Variants in ZAP70 observed in about 807,000 individuals in gnomAD.
The protein encoded by ZAP70 is zeta chain of T cell receptor associated protein kinase 70, also known as tyrosine-protein kinase ZAP-70.
ZAP70 carries 27 observed loss-of-function variants against 65.8 expected under a neutral mutation model. The ratio of observed to expected loss-of-function variants is 0.41; its 90% confidence interval spans 0.30 to 0.57. The LOEUF (loss-of-function observed/expected upper bound fraction) is 0.57. Ranked by LOEUF, ZAP70 falls within the 20% of genes least tolerant of loss-of-function variation. The pLI, the probability that ZAP70 is intolerant of heterozygous loss-of-function variation, is 0.28. For synonymous variants in ZAP70, 363 were observed against 360.8 expected (o/e 1.01, Z -0.07); for missense variants, 696 against 870.5 (o/e 0.80, Z 2.52).
the ZAP70 span, among the ~76,000 whole-genome samples, chr2:97,749,004 C>CTTT: frequency 7.0e-4 from 80 of 114,982 alleles, no homozygotes; most frequent in Middle Eastern, 0.013. Context: ...TGACACTTCC[C>CTTT]TTTTTTTTTT....
the ZAP70 span, among the ~76,000 whole-genome samples, chr2:97,747,776 A>T: frequency 1.4e-5 from 2 of 146,418 alleles, no homozygotes; most frequent in Non-Finnish European, 3.0e-5. Flanking sequence ...TCCTGCTGTC[A>T]GAAGAGTGTC....
Position 97,732,992 on chromosome 2 carries a change from G to A in ZAP70, c.673G>A (p.Glu225Lys), listed in dbSNP as rs144692859. ...QDKAGKYCIP[E>K]GTKFDTLWQL... ...CAAGGCGGGCAAGTACTGCATTCCCGAGGGCACCAAGTTTGACACGCTCTG... is the reference window on the plus strand; with the variant it reads ...CAAGGCGGGCAAGTACTGCATTCCCAAGGGCACCAAGTTTGACACGCTCTG... The change falls in exon 5 of 14, where the codon GAG becomes AAG. Residue 225 changes from glutamate to lysine, a missense_variant. Transcript: ENST00000264972. The A allele has an allele frequency of 5.6e-6, 9 of 1,614,016 alleles. No homozygotes were observed. Among genetic ancestry groups the A allele is most frequent in the African/African-American group, 1.3e-5 (1 of 74,942 alleles).
chr2:97,745,205 A>G, the ZAP70 span, among the ~76,000 whole-genome samples: 1 of 152,166 alleles, frequency 6.6e-6, no homozygotes, highest in South Asian at 2.1e-4. Context: ...TGACCAGCTA[A>G]TTTTTGTCTT....
At chr2:97,727,894 T>C (rs1677454944) in intron 4 of ZAP70, among the ~76,000 whole-genome samples, 1 of 152,060 alleles carries the variant, frequency 6.6e-6, no homozygotes, top group Admixed American at 6.6e-5. Context: ...GCCACTCCAA[T>C]GGCTTAAAAA....
At chr2:97,750,889 C>T in the ZAP70 span, among the ~76,000 whole-genome samples, 3 of 152,202 alleles carry the variant, frequency 2.0e-5, no homozygotes, top group Non-Finnish European at 2.9e-5. Flanking sequence ...AGAGTGGTCT[C>T]GTTTATGGCT....
At chr2:97,753,374 G>A in the ZAP70 span, among the ~76,000 whole-genome samples, 3 of 152,276 alleles carry the variant, frequency 2.0e-5, no homozygotes, top group South Asian at 2.1e-4. Context: ...ACATCAAGCT[G>A]TAACTAATCA....
At position 97,715,175 on chromosome 2, in the gene ZAP70, C is replaced by G. The variant is rs1419486247; in HGVS notation, c.-22+1181C>G. ...CCCAGACCACCCCGTGCTGACCACT[C>G]CCTGCCCCACCCCAAGGTACAGGGT... On this transcript the variant is annotated intron_variant, in intron 2 of 13. Transcript: ENST00000264972. The surrounding 1 kb of genome is among the most constrained non-coding windows in gnomAD (Gnocchi z 4.1). Among the ~76,000 whole-genome samples the G allele has an allele frequency of 6.6e-6, 1 of 152,210 alleles. No homozygotes were observed. The highest frequency in any genetic ancestry group is 1.5e-5 in the Non-Finnish European group (1 of 68,036).
intron 2 of ZAP70, among the ~76,000 whole-genome samples, chr2:97,721,748 A>G (rs1677167815): frequency 1.4e-5 from 2 of 146,890 alleles, no homozygotes; most frequent in African/African-American, 2.5e-5. Flanking sequence ...TTCATGTTCT[A>G]TTTGGTGGTG....
At chr2:97,734,418 G>A in intron 8 of ZAP70, 102 bp from the exon 9 acceptor site, 1 of 1,475,006 alleles carries the variant, frequency 6.8e-7, no homozygotes. Flanking sequence ...CATGCTCCAG[G>A]GACGGCACCC....
intron 4 of ZAP70, 91 bp from the exon 5 acceptor site, chr2:97,732,792 G>C (rs1030642917): frequency 1.9e-6 from 3 of 1,566,288 alleles, no homozygotes; most frequent in Non-Finnish European, 8.7e-7. Context: ...CTGAGGTGTG[G>C]AGCCCATAGG....
rs1677827025 is a variant in ZAP70 at position 97,735,372 on chromosome 2, T to C, written c.1205T>C (p.Ile402Thr). 4 of 1,613,994 alleles carry C rather than the reference T, an allele frequency of 2.5e-6. No individual in the cohort carries two copies. The highest frequency in any genetic ancestry group is 2.5e-6 in the Non-Finnish European group (3 of 1,179,984). Residue 402 changes from isoleucine to threonine, a missense_variant, in exon 10 of 14, where the codon ATT becomes ACT. Physicochemically the swap from Ile to Thr is moderately conservative, Grantham distance 89. Around this residue, in one of 3 missense-constraint regions of ZAP70, gnomAD observed 551 missense variants for 630.0 expected, o/e 0.87. Transcript: ENST00000264972. Reference protein sequence around the residue: ...QLDNPYIVRLIGVCQAEALML... With the variant: ...QLDNPYIVRLTGVCQAEALML... ...GACAACCCCTACATCGTGCGGCTCA[T>C]TGGCGTCTGCCAGGCCGAGGCCCTC...
At chr2:97,730,390 T>C (rs1187465629) in intron 4 of ZAP70, among the ~76,000 whole-genome samples, 1 of 152,218 alleles carries the variant, frequency 6.6e-6, no homozygotes, top group African/African-American at 2.4e-5. Flanking sequence ...TGGAGCTGGA[T>C]GGTCTCTGGG....
chr2:97,718,216 C>G (rs11687510), intron 2 of ZAP70, among the ~76,000 whole-genome samples: 2 of 151,890 alleles, frequency 1.3e-5, no homozygotes, highest in Non-Finnish European at 2.9e-5. Context: ...GGGAGGGCCA[C>G]GAGTCTGCAG....
At chr2:97,735,626 G>A (rs1236643754) in intron 10 of ZAP70, among the ~76,000 whole-genome samples, 170 bp downstream of exon 10, 1 of 152,254 alleles carries the variant, frequency 6.6e-6, no homozygotes, top group Non-Finnish European at 1.5e-5. Flanking sequence ...CTGCAAAGCA[G>A]AGCTAACCCT....
At chr2:97,725,346 G>C in intron 4 of ZAP70, 94 bp downstream of exon 4, 1 of 1,492,602 alleles carries the variant, frequency 6.7e-7, no homozygotes, top group Admixed American at 1.8e-5. Context: ...CAGTTGGGCC[G>C]TAAGGGTGTC....
intron 2 of ZAP70, among the ~76,000 whole-genome samples, chr2:97,719,610 C>T (rs1329217981): frequency 2.0e-5 from 3 of 151,902 alleles, no homozygotes; most frequent in African/African-American, 7.3e-5. Context: ...GACATAGGGA[C>T]AGGAGTGTAG....
chr2:97,716,968 G>C (rs979240670), intron 2 of ZAP70, among the ~76,000 whole-genome samples: 11 of 152,184 alleles, frequency 7.2e-5, no homozygotes, highest in African/African-American at 2.7e-4. Flanking sequence ...CCATGTGGTG[G>C]GTCCACGATT....
Position 97,724,357 on chromosome 2 carries a change from C to A in ZAP70, c.321C>A (p.Gly107=). 1 of 1,549,826 alleles carries A rather than the reference C, an allele frequency of 6.5e-7. No individual in the cohort carries two copies. The highest frequency in any genetic ancestry group is 8.7e-7 in the Non-Finnish European group (1 of 1,147,838). The change falls in exon 3 of 14, where the codon GGC becomes GGA. Residue 107 remains glycine, a synonymous_variant. Transcript: ENST00000264972. ...GCAAGCCGTGCAACCGGCCGTCGGG[C>A]CTCGAGCCGCAGCCGGGGGTCTTCG... The part of the protein sequence containing the change: ...NLRKPCNRPS[G]LEPQPGVFDC...
At position 97,734,720 on chromosome 2, in the gene ZAP70, C is replaced by G. The variant is rs55933862; in HGVS notation, c.1082+8C>G. On this transcript the variant is annotated splice_region_variant and intron_variant, in intron 9 of 13. Coordinates refer to ENST00000264972, the MANE Select transcript of ZAP70 (RefSeq NM_001079.4). ...CGTGTACCGCATGCGCAAGTATGGC[C>G]GCCCCTGCCGTGGTGGGAGCACCGC... 1 of 1,613,078 alleles carries G rather than the reference C, an allele frequency of 6.2e-7. No individual in the cohort carries two copies. Among genetic ancestry groups the G allele is most frequent in the Non-Finnish European group, 8.5e-7 (1 of 1,179,900 alleles).
Sources: allele counts gnomAD v4.1 joint callset (sites outside exome capture counted in the v4.1 genomes callset), GRCh38; gene constraint gnomAD v4.1.1; regional missense constraint gnomAD v4.1.1; non-coding constraint Gnocchi (gnomAD v3.1); transcripts MANE v1.5; gene names NCBI Gene and HGNC (gene_info 2026-07-23, HGNC 2026-07-21).